VPS53: variants seen among roughly 807,000 people sequenced by gnomAD.
The protein encoded by VPS53 is vacuolar protein sorting-associated protein 53 homolog.
Under a neutral mutation model 107.0 loss-of-function variants are expected in VPS53, and 70 were observed. That is an observed-to-expected ratio of 0.65 (90% CI 0.54 to 0.80). The LOEUF is 0.80. VPS53 is among the 30% of genes least tolerant of loss of function. The pLI, the probability that VPS53 is intolerant of heterozygous loss-of-function variation, is 0.00. For missense variants in VPS53, 917 were observed against 1,049.4 expected, an observed-to-expected ratio of 0.87 and a Z score of 1.74; for synonymous variants, 409 against 393.3, an observed-to-expected ratio of 1.04 and a Z score of -0.47.
At chr17:655,771 G>T in intron 6 of VPS53, 67 bp downstream of exon 6, 1 of 1,424,254 alleles carries the variant, frequency 7.0e-7, no homozygotes, top group Non-Finnish European at 9.7e-7. Context: ...GTAAATAGGC[G>T]ACAACACCAT....
At chr17:540,058 TC>T (rs1015478277) in intron 17 of VPS53, among the ~76,000 whole-genome samples, 4 of 143,586 alleles carry the variant, frequency 2.8e-5, no homozygotes, top group Middle Eastern at 3.5e-3. Flanking sequence ...CTAGACAACT[TC>T]CCCCCCGACC....
intron 12 of VPS53, among the ~76,000 whole-genome samples, chr17:598,555 G>A (rs1968117005): frequency 6.6e-6 from 1 of 151,328 alleles, no homozygotes. Context: ...TAGGAAGTGA[G>A]GAGCGTCTCT....
rs115260176 is a variant in VPS53 at position 668,668 on chromosome 17, T to C, written c.286-6773A>G. 1.9e-3 allele frequency among the ~76,000 whole-genome samples: 292 copies of C among 152,346 alleles called. 2 individuals carry two copies. Among genetic ancestry groups the C allele is most frequent in the African/African-American group, 6.8e-3 (282 of 41,580 alleles). ...TTCTGTGATACTGCAGGTCATGTCATGTTATGGTGACATGCTAATGGGACC... is the reference window on the plus strand; with the variant it reads ...TTCTGTGATACTGCAGGTCATGTCACGTTATGGTGACATGCTAATGGGACC... On this transcript the variant is annotated intron_variant, in intron 4 of 21. Transcript: ENST00000437048.
chr17:676,120 G>A (rs1210098075), intron 4 of VPS53: 1 of 152,162 alleles, frequency 6.6e-6, no homozygotes, highest in Non-Finnish European at 1.5e-5. Context: ...GGAGACCCTG[G>A]AGTCCAAATT....
At chr17:582,822 C>T (rs1967110169) in intron 13 of VPS53, among the ~76,000 whole-genome samples, 1 of 152,058 alleles carries the variant, frequency 6.6e-6, no homozygotes, top group Admixed American at 6.6e-5. Flanking sequence ...CAGAGGACTT[C>T]CCTCAGAACC....
intron 13 of VPS53, among the ~76,000 whole-genome samples, chr17:582,168 C>G (rs1401702506): frequency 6.6e-6 from 1 of 150,930 alleles, no homozygotes; most frequent in Non-Finnish European, 1.5e-5. Context: ...TAATGTGTTC[C>G]CAGAGAACCT....
chr17:658,992 G>C (rs992018956), intron 5 of VPS53, among the ~76,000 whole-genome samples: 19 of 150,680 alleles, frequency 1.3e-4, no homozygotes, highest in Non-Finnish European at 2.1e-4. Flanking sequence ...TCCCCATCAA[G>C]CCTTCTCTCC....
At chr17:707,766 C>T (rs751780099) in intron 2 of VPS53, among the ~76,000 whole-genome samples, 8 of 149,876 alleles carry the variant, frequency 5.3e-5, no homozygotes, top group Admixed American at 1.3e-4. Flanking sequence ...GTAGTGGGAG[C>T]GCTAGAGTTC....
rs1971450736 is a variant in VPS53, at chr17:661,864, T to C, written c.317A>G (p.Gln106Arg). The C allele has an allele frequency of 6.4e-7, 1 of 1,552,348 alleles. No individual in the cohort carries two copies. The highest frequency in any genetic ancestry group is 8.7e-7 in the Non-Finnish European group (1 of 1,147,132). ...GATATCTTTGATTTTGCCAAAGAGT[T>C]GTTGGATAGCTTTCTGAGCCTCTTC... ...ALEEAQKAIQ[Q>R]LFGKIKDIKD... The change falls in exon 5 of 22, where the codon CAA (glutamine) becomes CGA (arginine). Residue 106 changes from glutamine (Q) to arginine (R), a missense_variant. Gln to Arg is a conservative substitution (Grantham distance 43). Transcript: ENST00000437048.
intron 10 of VPS53, among the ~76,000 whole-genome samples, 170 bp downstream of exon 10, chr17:627,004 G>A (rs1445964070): frequency 6.6e-6 from 1 of 152,124 alleles, no homozygotes; most frequent in Non-Finnish European, 1.5e-5. Flanking sequence ...AAAGATGGGG[G>A]CAGAGGGAGC....
chr17:694,750 G>A (rs951646559), intron 4 of VPS53, among the ~76,000 whole-genome samples: 1 of 152,188 alleles, frequency 6.6e-6, no homozygotes, highest in Non-Finnish European at 1.5e-5. Flanking sequence ...CAATACAGTT[G>A]CATAAAATGT....
intron 12 of VPS53, among the ~76,000 whole-genome samples, chr17:590,384 A>C (rs1338056998): frequency 2.0e-5 from 3 of 151,194 alleles, no homozygotes; most frequent in Non-Finnish European, 3.0e-5. Context: ...TCTCCTGCCT[A>C]ATTGCCCTGG....
chr17:542,352 T>C (rs1035787029), intron 17 of VPS53, among the ~76,000 whole-genome samples: 31 of 152,250 alleles, frequency 2.0e-4, no homozygotes, highest in African/African-American at 7.5e-4. Flanking sequence ...TGAAATTGAG[T>C]CAGCCAGTCT....
chr17:554,780 A>G (rs1241375200), intron 15 of VPS53, among the ~76,000 whole-genome samples: 1 of 152,250 alleles, frequency 6.6e-6, no homozygotes, highest in Non-Finnish European at 1.5e-5. Context: ...ATAAATTAGC[A>G]TAAACTTTTT....
intron 19 of VPS53, among the ~76,000 whole-genome samples, chr17:522,125 G>C (rs116810662): frequency 6.6e-6 from 1 of 151,954 alleles, no homozygotes; most frequent in African/African-American, 2.4e-5. Flanking sequence ...GTGGGGGTGC[G>C]CATCTGTGGT....
chr17:679,419 C>A (rs1033950709), intron 4 of VPS53, among the ~76,000 whole-genome samples: 5 of 152,022 alleles, frequency 3.3e-5, no homozygotes, highest in Admixed American at 3.3e-4. Flanking sequence ...GAGGCTGAGG[C>A]GGGAGAATCG....
chr17:573,333 G>A (rs1397909651), intron 13 of VPS53, among the ~76,000 whole-genome samples: 1 of 152,222 alleles, frequency 6.6e-6, no homozygotes, highest in Non-Finnish European at 1.5e-5. Context: ...CCATTTAAAG[G>A]ATGTAAGGAC....
intron 11 of VPS53, among the ~76,000 whole-genome samples, chr17:618,212 C>G (rs58325672): frequency 1.2e-5 from 1 of 85,694 alleles, no homozygotes; most frequent in African/African-American, 3.9e-5. Flanking sequence ...CCACCACGCC[C>G]CACTAATATT....
At position 568,528 on chromosome 17, in the gene VPS53, C is replaced by T. The variant is rs552747383; in HGVS notation, c.1314-5783G>A. Among the ~76,000 whole-genome samples, 384 of 152,236 alleles carry T rather than the reference C, an allele frequency of 2.5e-3. 1 individual carries two copies. Among genetic ancestry groups the T allele is most frequent in the Admixed American group, 7.8e-3 (119 of 15,292 alleles). On this transcript the variant is annotated intron_variant, in intron 13 of 21. Coordinates refer to ENST00000437048, the MANE Select transcript of VPS53 (RefSeq NM_001128159.3). ...TCCCAGGGTGCTGGGATTACAGGCA[C>T]GAGCAACCATGCCCGACCCTAGAGC...
Sources: allele counts gnomAD v4.1 joint callset (sites outside exome capture counted in the v4.1 genomes callset), GRCh38; gene constraint gnomAD v4.1.1; transcripts MANE v1.5; gene names NCBI Gene and HGNC (gene_info 2026-07-23, HGNC 2026-07-21).